Variants in TAB2 observed in about 807,000 individuals in gnomAD.
The protein encoded by TAB2 is TGF-beta-activated kinase 1 and MAP3K7-binding protein 2.
In TAB2, 3 loss-of-function variants were observed where a neutral mutation model predicts 65.0. That is an observed-to-expected ratio of 0.05 (90% confidence interval 0.02 to 0.12). TAB2 has a LOEUF of 0.12. TAB2 is among the 10% of genes least tolerant of loss of function. The pLI is 1.00. For missense variants in TAB2, 623 were observed against 840.3 expected, an observed-to-expected ratio of 0.74 and a Z score of 3.20; for synonymous variants, 298 against 285.1, an observed-to-expected ratio of 1.05 and a Z score of -0.46.
chr6:149,371,824 T>G (rs1475998635), intron 2 of TAB2, among the ~76,000 whole-genome samples: 1 of 151,286 alleles, frequency 6.6e-6, no homozygotes, highest in Non-Finnish European at 1.5e-5. Context: ...ATATAAAATG[T>G]GAAAAAAAAA....
chr6:149,283,299 A>C (rs915364622), intron 1 of TAB2, among the ~76,000 whole-genome samples: 5 of 152,226 alleles, frequency 3.3e-5, no homozygotes, highest in Admixed American at 3.3e-4. Context: ...AAAATATGGG[A>C]GGATGGGAGG....
At chr6:149,396,238 GA>G (rs1447101864) in intron 3 of TAB2, among the ~76,000 whole-genome samples, 1 of 152,114 alleles carries the variant, frequency 6.6e-6, no homozygotes, top group Non-Finnish European at 1.5e-5. Context: ...GTCTGGTCTC[GA>G]ACTCCTGACC....
Position 149,286,554 on chromosome 6 carries a change from C to T in TAB2, c.-121+67778C>T, listed in dbSNP as rs9498288. 2.6e-5 allele frequency among the ~76,000 whole-genome samples: 4 copies of T among 152,112 alleles called. No homozygotes were observed. The East Asian group carries it at 5.8e-4, about 22-fold the overall frequency. ...CAATATGTATCACAACCCCTAAAAG[C>T]TTTCAGATGCTTTGACTCATTAATT... On this transcript the variant is annotated intron_variant, in intron 1 of 1. Coordinates refer to the TAB2 transcript ENST00000606202.
At chr6:149,317,039 G>A (rs1779271888), upstream of TAB2, among the ~76,000 whole-genome samples, 1 of 150,116 alleles carries the variant, frequency 6.7e-6, no homozygotes, top group East Asian at 2.0e-4. The surrounding 1 kb of genome is among the most constrained non-coding windows in gnomAD (Gnocchi z 4.7). Flanking sequence ...AGCGCCCCGG[G>A]GTCCGGCCGG....
At chr6:149,366,348 G>A (rs1781039938) in intron 1 of TAB2, among the ~76,000 whole-genome samples, 1 of 152,018 alleles carries the variant, frequency 6.6e-6, no homozygotes, top group African/African-American at 2.4e-5. Context: ...TCGCACATAT[G>A]TATAGTTTGG....
At chr6:149,326,621 C>G (rs1283479611) in intron 1 of TAB2, among the ~76,000 whole-genome samples, 1 of 151,500 alleles carries the variant, frequency 6.6e-6, no homozygotes, top group Non-Finnish European at 1.5e-5. Flanking sequence ...AATCTCAGCT[C>G]ACTGCAACCT....
At chr6:149,339,049 C>G (rs1243183708) in intron 1 of TAB2, among the ~76,000 whole-genome samples, 1 of 152,162 alleles carries the variant, frequency 6.6e-6, no homozygotes, top group African/African-American at 2.4e-5. Context: ...GTGGGAAGCA[C>G]AGATAGCGTA....
chr6:149,352,155 G>T (rs1403658976), intron 1 of TAB2, among the ~76,000 whole-genome samples: 1 of 152,082 alleles, frequency 6.6e-6, no homozygotes, highest in Non-Finnish European at 1.5e-5. Context: ...TTAAAAGTTA[G>T]ATCTCTGGGA....
At chr6:149,226,857 C>T (rs1366417858) in intron 1 of TAB2, among the ~76,000 whole-genome samples, 1 of 152,190 alleles carries the variant, frequency 6.6e-6, no homozygotes, top group Middle Eastern at 3.4e-3. Context: ...GCACCTAAAC[C>T]CAAATTTATA....
chr6:149,372,772 C>T (rs1245181572), intron 2 of TAB2, among the ~76,000 whole-genome samples: 2 of 152,130 alleles, frequency 1.3e-5, no homozygotes, highest in African/African-American at 4.8e-5. Context: ...GGAAGAGCTC[C>T]TTCCTCTGTG....
chr6:149,271,427 GTGGCTCTATTACCCTCGGGCCTA>G (rs2114676155), intron 1 of TAB2, among the ~76,000 whole-genome samples: 1 of 152,292 alleles, frequency 6.6e-6, no homozygotes, highest in South Asian at 2.1e-4. Flanking sequence ...TTTCTAGCCT[GTGGCTCTATTACCCTCGGGCCTA>G]TTGTTCTCAT....
At chr6:149,237,065 G>A (rs1325554367) in intron 1 of TAB2, among the ~76,000 whole-genome samples, 1 of 152,128 alleles carries the variant, frequency 6.6e-6, no homozygotes, top group Non-Finnish European at 1.5e-5. Flanking sequence ...TCCGTGGATC[G>A]TGTTAGGCAC....
chr6:149,321,281 C>G (rs947759078), intron 1 of TAB2: 1 of 152,080 alleles, frequency 6.6e-6, no homozygotes, highest in East Asian at 1.9e-4. Flanking sequence ...ATGTTTTTGC[C>G]TCTGGCTCAT....
intron 6 of TAB2, among the ~76,000 whole-genome samples, chr6:149,404,975 A>AGAT (rs1782614151): frequency 6.6e-6 from 1 of 152,262 alleles, no homozygotes; most frequent in African/African-American, 2.4e-5. Flanking sequence ...GTGAAAAGGC[A>AGAT]TCCTTCAGAA....
intron 1 of TAB2, among the ~76,000 whole-genome samples, chr6:149,223,102 A>G (rs1777188806): frequency 1.3e-5 from 2 of 152,240 alleles, no homozygotes; most frequent in Non-Finnish European, 2.9e-5. Flanking sequence ...CACATGAAAT[A>G]TTGAAATATA....
chr6:149,384,213 G>A (rs1233143883), intron 3 of TAB2, among the ~76,000 whole-genome samples: 1 of 151,950 alleles, frequency 6.6e-6, no homozygotes, highest in Non-Finnish European at 1.5e-5. Flanking sequence ...AATTGAGAAG[G>A]GAACATACGT....
intron 1 of TAB2, among the ~76,000 whole-genome samples, chr6:149,338,115 G>T (rs956794805): frequency 2.0e-5 from 3 of 152,140 alleles, no homozygotes; most frequent in East Asian, 3.8e-4. Context: ...CGTGTATATT[G>T]TATATTACAT....
intron 3 of TAB2, among the ~76,000 whole-genome samples, chr6:149,383,518 C>T (rs1037159490): frequency 2.0e-5 from 3 of 152,198 alleles, no homozygotes; most frequent in African/African-American, 7.2e-5. Flanking sequence ...TGTTCTCCAA[C>T]TTTTCTTCTC....
chr6:149,362,533 C>G (rs1327105406), intron 1 of TAB2, among the ~76,000 whole-genome samples: 1 of 152,200 alleles, frequency 6.6e-6, no homozygotes. Context: ...GGCCCCACCT[C>G]CAACACTGGG....
Sources: gnomAD v4.1 joint callset for allele counts (sites outside exome capture counted in the v4.1 genomes callset) on GRCh38, gnomAD v4.1.1 for gene constraint, Gnocchi (gnomAD v3.1) non-coding constraint, MANE v1.5 for transcripts, NCBI Gene and HGNC (gene_info 2026-07-23, HGNC 2026-07-21) for gene names.